FYB1: variants seen among roughly 807,000 people sequenced by gnomAD.
FYB1 encodes the protein FYN-binding protein 1.
A neutral mutation model predicts 94.1 loss-of-function variants in FYB1; 41 were observed. That is an observed-to-expected ratio of 0.44 (90% CI 0.34 to 0.57). The LOEUF (loss-of-function observed/expected upper bound fraction) is 0.57, where lower values mean the gene tolerates loss of function less well. Ranked by LOEUF, FYB1 falls within the 20% of genes least tolerant of loss-of-function variation. The probability of loss-of-function intolerance (pLI) is 0.02; values close to 1 mark genes in which losing one functional copy is unlikely to be tolerated. For synonymous variants in FYB1, 367 were observed against 353.2 expected, an observed-to-expected ratio of 1.04 and a Z score of -0.44; for missense variants, 1,050 against 976.8, an observed-to-expected ratio of 1.07 and a Z score of -1.00.
chr5:39,231,157 A>C (rs559072047), intron 1 of FYB1, among the ~76,000 whole-genome samples: 46 of 118,468 alleles, frequency 3.9e-4, no homozygotes, highest in African/African-American at 1.9e-3. Flanking sequence ...CAAAAAAAAA[A>C]AAAACAAAAA....
chr5:39,106,881 T>C lies in FYB1; in HGVS notation c.*562A>G, dbSNP rs928159994. On this transcript the variant is annotated 3_prime_UTR_variant, in exon 19 of 19. Transcript: ENST00000512982. ...AATAAGGACAAATTTTATACAAAAC[T>C]TCTACTACTGCTATAATTTTTGAAA... is the stretch of plus-strand genomic sequence containing the variant. 1 of 152,102 alleles carries C rather than the reference T, an allele frequency of 6.6e-6. No homozygotes were observed. Among genetic ancestry groups the C allele is most frequent in the Admixed American group, 6.6e-5 (1 of 15,262 alleles). The allele number at this position is 152,102 out of a possible 1,614,324, so 9.4% of individuals were successfully genotyped here.
chr5:39,200,041 A>G (rs1054048937), intron 2 of FYB1, among the ~76,000 whole-genome samples: 1 of 152,186 alleles, frequency 6.6e-6, no homozygotes, highest in Non-Finnish European at 1.5e-5. Flanking sequence ...GGAGCATAAT[A>G]CATCTCAAGG....
intron 1 of FYB1, among the ~76,000 whole-genome samples, chr5:39,207,317 T>A (rs528559063): frequency 6.6e-6 from 1 of 152,186 alleles, no homozygotes; most frequent in African/African-American, 2.4e-5. Context: ...GTAGAAAATC[T>A]CTTCATAGAA....
At position 39,132,810 on chromosome 5, in the gene FYB1, C is replaced by T. The variant is rs75140502; in HGVS notation, c.1817+1398G>A. ...AGTGTGCTTTTTAAAAAACAAAAGGCACACACAAAGTATATACATTGGTAA... is the reference window on the plus strand; with the variant it reads ...AGTGTGCTTTTTAAAAAACAAAAGGTACACACAAAGTATATACATTGGTAA... On this transcript the variant is annotated intron_variant, in intron 9 of 18. Transcript: ENST00000512982. 9.7e-3 allele frequency among the ~76,000 whole-genome samples: 1,477 copies of T among 152,174 alleles called. 10 individuals are homozygous for T. Among genetic ancestry groups the T allele is most frequent in the Non-Finnish European group, 0.017 (1,151 of 67,988 alleles).
Position 39,198,584 on chromosome 5 carries a change from T to A in FYB1, c.1135+3242A>T, listed in dbSNP as rs539584960. Among the ~76,000 whole-genome samples, 4 of 152,268 alleles carry A rather than the reference T, an allele frequency of 2.6e-5. No individual in the cohort carries two copies. The South Asian group carries it at 8.3e-4, about 32-fold the overall frequency. ...ACTTTATGATGGTACAAAAGCAATA[T>A]GCATTCAGTAGAAACCATGGTACAG... On this transcript the variant is annotated intron_variant, in intron 2 of 18. Coordinates refer to ENST00000512982, the MANE Select transcript of FYB1 (RefSeq NM_001465.6).
intron 3 of FYB1, among the ~76,000 whole-genome samples, chr5:39,150,522 G>A (rs532355911): frequency 3.3e-5 from 5 of 152,158 alleles, no homozygotes; most frequent in African/African-American, 4.8e-5. Context: ...AATTTTAGAC[G>A]TGCAAATAGA....
At chr5:39,113,218 T>C (rs1471912941) in intron 16 of FYB1, among the ~76,000 whole-genome samples, 1 of 152,126 alleles carries the variant, frequency 6.6e-6, no homozygotes, top group African/African-American at 2.4e-5. Flanking sequence ...TCTTTGTTCA[T>C]GTTACACATG....
chr5:39,229,036 C>T (rs1561292192), intron 1 of FYB1, among the ~76,000 whole-genome samples: 1 of 152,154 alleles, frequency 6.6e-6, no homozygotes, highest in Admixed American at 6.6e-5. Context: ...GATCTCATCT[C>T]TCTGTGTGAA....
In FYB1 at chr5:39,258,591, C is replaced by A. The variant is rs190154667; in HGVS notation, c.-28+15812G>T. On this transcript the variant is annotated intron_variant, in intron 1 of 1. Transcript: ENST00000510188. ...TTCCAGCCTGGGTGACAGAGCAAGA[C>A]CCTGTGTCAAAAACAAAACAAAACA... Among the ~76,000 whole-genome samples the A allele has an allele frequency of 5.9e-5, 9 of 152,040 alleles. No homozygotes were observed. The East Asian group carries it at 9.7e-4, about 16-fold the overall frequency.
intron 16 of FYB1, among the ~76,000 whole-genome samples, chr5:39,111,445 G>A (rs935251726): frequency 2.6e-5 from 4 of 151,652 alleles, no homozygotes; most frequent in African/African-American, 7.3e-5. Flanking sequence ...ATAAACTTAC[G>A]TAAATGTATT....
intron 11 of FYB1, among the ~76,000 whole-genome samples, chr5:39,127,426 G>C (rs1740784221): frequency 6.8e-6 from 1 of 146,814 alleles, no homozygotes; most frequent in African/African-American, 2.5e-5. Context: ...ACTCCAGCCT[G>C]GGCGACAGAG....
At chr5:39,267,331 C>A (rs960022634) in intron 1 of FYB1, among the ~76,000 whole-genome samples, 1 of 151,870 alleles carries the variant, frequency 6.6e-6, no homozygotes, top group East Asian at 1.9e-4. Flanking sequence ...TGCAATCTTA[C>A]TCTCCACAAC....
In FYB1 at chr5:39,170,139, A is replaced by G; in HGVS notation, c.1136-16535T>C. 3 of 783,558 alleles carry G rather than the reference A, an allele frequency of 3.8e-6. No homozygotes were observed. The South Asian group carries it at 4.1e-5, about 11-fold the overall frequency. The allele number at this position is 783,558 out of a possible 1,614,324, so 48.5% of individuals were successfully genotyped here. A position where few individuals can be genotyped will look rare whatever the true frequency, so the allele number is the denominator to read the frequency against. ...AAATGTTATCAGTTGCTGATGAAGT[A>G]TAAGTAGCTACAGGTCAAGTCTGAT... On this transcript the variant is annotated intron_variant, in intron 2 of 18. Transcript: ENST00000512982.
rs528431812 is a variant in FYB1, at chr5:39,267,286, G to A, written c.-28+7117C>T. On this transcript the variant is annotated intron_variant, in intron 1 of 1. Coordinates refer to the FYB1 transcript ENST00000510188. ...GGAATCCAACATCCATCCAGTGCCCGGCATGTGCCTGTATTATCACAGGGG... is the reference window on the plus strand; with the variant it reads ...GGAATCCAACATCCATCCAGTGCCCAGCATGTGCCTGTATTATCACAGGGG... Among the ~76,000 whole-genome samples, 228 of 152,164 alleles carry A rather than the reference G, an allele frequency of 1.5e-3. 1 individual carries two copies. The highest frequency in any genetic ancestry group is 2.7e-3 in the Admixed American group (41 of 15,286).
Position 39,147,697 on chromosome 5 carries a change from C to CTTTTTTT in FYB1, c.1292+5744_1292+5750dup, listed in dbSNP as rs548956747. ...CTGCAGATGATAAAGTCCACCTTGT[C>CTTTTTTT]TTTTTTTTTTTTTTTTTTCTTTTTT... On this transcript the variant is annotated intron_variant, in intron 3 of 18. Transcript: ENST00000512982. Among the ~76,000 whole-genome samples the CTTTTTTT allele has an allele frequency of 7.2e-5, 9 of 125,444 alleles. 1 individual carries two copies. The highest frequency in any genetic ancestry group is 1.5e-4 in the Non-Finnish European group (9 of 58,374). 82.3% of individuals were successfully genotyped at this position (125,444 alleles called of 152,430 possible).
chr5:39,122,234 C>T (rs747830127), intron 14 of FYB1, 102 bp downstream of exon 14: 8 of 730,804 alleles, frequency 1.1e-5, no homozygotes, highest in African/African-American at 3.5e-5. Flanking sequence ...CCAACAGGAT[C>T]GCACACAGTA....
At chr5:39,223,333 A>G (rs1329174488), upstream of FYB1, among the ~76,000 whole-genome samples, 2 of 152,094 alleles carry the variant, frequency 1.3e-5, no homozygotes, top group Non-Finnish European at 2.9e-5. Context: ...TCCTTTATGT[A>G]TAGTCCTCCT....
chr5:39,144,423 A>G (rs1207553755), intron 3 of FYB1, among the ~76,000 whole-genome samples: 1 of 152,250 alleles, frequency 6.6e-6, no homozygotes, highest in Non-Finnish European at 1.5e-5. Context: ...ATGGGGAACT[A>G]TAGTATCCAC....
chr5:39,233,399 C>T (rs1469400634), intron 1 of FYB1, among the ~76,000 whole-genome samples: 1 of 152,100 alleles, frequency 6.6e-6, no homozygotes, highest in Admixed American at 6.6e-5. Context: ...CTTACAAGTC[C>T]AGTTGTTTTA....
Sources: gnomAD v4.1 joint callset for allele counts (sites outside exome capture counted in the v4.1 genomes callset) on GRCh38, gnomAD v4.1.1 for gene constraint, MANE v1.5 for transcripts, NCBI Gene and HGNC (gene_info 2026-07-23, HGNC 2026-07-21) for gene names.